The following FBN2 variants were observed in gnomAD, a reference collection of about 807,000 sequenced individuals.
FBN2 encodes fibrillin 2.
Under a neutral mutation model 355.6 loss-of-function variants are expected in FBN2, and 105 were observed. That is an observed-to-expected ratio of 0.30 (90% confidence interval 0.25 to 0.35). The LOEUF (loss-of-function observed/expected upper bound fraction) is 0.35, where lower values mean the gene tolerates loss of function less well. FBN2 is among the 10% of genes least tolerant of loss of function. The pLI, the probability that FBN2 is intolerant of heterozygous loss-of-function variation, is 1.00. For synonymous variants in FBN2, 1,350 were observed against 1,301.2 expected, an observed-to-expected ratio of 1.04 and a Z score of -0.81; for missense variants, 3,280 against 3,758.7, an observed-to-expected ratio of 0.87 and a Z score of 3.33.
At chr5:128,340,085 C>T (rs1017853746) in intron 25 of FBN2, among the ~76,000 whole-genome samples, 1 of 152,080 alleles carries the variant, frequency 6.6e-6, no homozygotes, top group Non-Finnish European at 1.5e-5. Flanking sequence ...ATGCTTATAA[C>T]TAAGATTTTT....
chr5:128,390,554 A>G (rs1182273678), intron 11 of FBN2, among the ~76,000 whole-genome samples: 1 of 152,216 alleles, frequency 6.6e-6, no homozygotes, highest in African/African-American at 2.4e-5. Flanking sequence ...AATTAATAAT[A>G]ATCTTGGCCC....
At chr5:128,286,988 C>T (rs1749171005) in intron 54 of FBN2, 139 bp from the exon 55 acceptor site, 1 of 892,116 alleles carries the variant, frequency 1.1e-6, no homozygotes. Flanking sequence ...CCATTGTCAG[C>T]TGTTGGCTAT....
At chr5:128,352,339 C>T (rs1751390292) in intron 20 of FBN2, among the ~76,000 whole-genome samples, 1 of 152,138 alleles carries the variant, frequency 6.6e-6, no homozygotes, top group Admixed American at 6.5e-5. Flanking sequence ...CTAGAGATAA[C>T]CATTCCTAAC....
intron 5 of FBN2, among the ~76,000 whole-genome samples, chr5:128,495,731 T>C (rs546213578): frequency 6.6e-6 from 1 of 152,210 alleles, no homozygotes; most frequent in East Asian, 1.9e-4. Flanking sequence ...GCAGATAAAG[T>C]TGGCAAACCT....
In FBN2 at chr5:128,475,077, T is replaced by C. The variant is rs114157146; in HGVS notation, c.629-10156A>G. Among the ~76,000 whole-genome samples, 1,322 of 152,226 alleles carry C rather than the reference T, an allele frequency of 8.7e-3. 19 individuals are homozygous for C. Among genetic ancestry groups the C allele is most frequent in the African/African-American group, 0.029 (1,219 of 41,534 alleles). ...GATGGCCCAGTGGTGGTGGTGGTAG[T>C]GGTCTGTAAGGAGGTGAACCATTCC... On this transcript the variant is annotated intron_variant, in intron 5 of 64. Coordinates refer to ENST00000262464, the MANE Select transcript of FBN2 (RefSeq NM_001999.4).
intron 15 of FBN2, among the ~76,000 whole-genome samples, chr5:128,370,904 A>C (rs1487779587): frequency 6.6e-6 from 1 of 152,198 alleles, no homozygotes; most frequent in East Asian, 1.9e-4. Flanking sequence ...TTACGGACAT[A>C]AACTTCCCAA....
chr5:128,469,564 C>G lies in FBN2; in HGVS notation c.629-4643G>C, dbSNP rs138021488. Among the ~76,000 whole-genome samples, 960 of 149,460 alleles carry G rather than the reference C, an allele frequency of 6.4e-3. 9 individuals are homozygous for G. The highest frequency in any genetic ancestry group is 0.022 in the African/African-American group (877 of 40,736). ...AAAAAAAAAGTCAGTGGAGAGACTTCTTTCTGGCATGGAATGACAAGCTTA... is the reference window on the plus strand; with the variant it reads ...AAAAAAAAAGTCAGTGGAGAGACTTGTTTCTGGCATGGAATGACAAGCTTA... On this transcript the variant is annotated intron_variant, in intron 5 of 64. Transcript: ENST00000262464.
chr5:128,309,101 T>C lies in FBN2; in HGVS notation c.5353+146A>G, dbSNP rs1749963609. On this transcript the variant is annotated intron_variant, in intron 41 of 64. Transcript: ENST00000262464. ...GTGTTTGAATCCCAAAGAGGATCACTTGGGAAACAGAACCATATGATGCTC... is the reference window on the plus strand; with the variant it reads ...GTGTTTGAATCCCAAAGAGGATCACCTGGGAAACAGAACCATATGATGCTC... The C allele has an allele frequency of 1.3e-5, 10 of 768,844 alleles. No homozygotes were observed. In the East Asian group the frequency reaches 1.3e-4, roughly 10 times the overall value. The allele number at this position is 768,844 out of a possible 1,614,324, so 47.6% of individuals were successfully genotyped here.
At chr5:128,365,881 T>C (rs1261021014) in intron 17 of FBN2, among the ~76,000 whole-genome samples, 1 of 151,864 alleles carries the variant, frequency 6.6e-6, no homozygotes, top group African/African-American at 2.4e-5. Flanking sequence ...AGAAAAATTT[T>C]AGTGAATCTT....
At chr5:128,377,574 AC>A (rs1752111580) in intron 13 of FBN2, among the ~76,000 whole-genome samples, 177 bp downstream of exon 13, 1 of 151,908 alleles carries the variant, frequency 6.6e-6, no homozygotes, top group Non-Finnish European at 1.5e-5. Context: ...CAAAAAACAA[AC>A]AAAAAACCTG....
rs1457946418 is a variant in FBN2, at chr5:128,523,698, C to T, written c.532+4174G>A. Reference sequence around the variant, plus strand: ...AACCCACTCCCTATACAGTATTTCCCGTATCTGGAAATGACATCGCTATTA... The same window carrying T: ...AACCCACTCCCTATACAGTATTTCCTGTATCTGGAAATGACATCGCTATTA... On this transcript the variant is annotated intron_variant, in intron 4 of 64. Transcript: ENST00000262464. Among the ~76,000 whole-genome samples, 8 of 152,184 alleles carry T rather than the reference C, an allele frequency of 5.3e-5. 1 individual carries two copies. Among genetic ancestry groups the T allele is most frequent in the East Asian group, 1.9e-4 (1 of 5,182 alleles).
intron 5 of FBN2, among the ~76,000 whole-genome samples, chr5:128,473,793 C>T (rs757153868): frequency 3.9e-5 from 6 of 152,192 alleles, no homozygotes; most frequent in Non-Finnish European, 7.3e-5. Flanking sequence ...CGTGTTACAC[C>T]AGGGAGAAAT....
intron 17 of FBN2, chr5:128,365,199 T>G (rs1286295209): frequency 6.1e-6 from 1 of 163,872 alleles, no homozygotes; most frequent in Non-Finnish European, 1.3e-5. Flanking sequence ...TGTTTCTCAT[T>G]GCTGATACTT....
At chr5:128,351,099 AAAAG>A (rs763918377) in intron 20 of FBN2, 94 bp from the exon 21 acceptor site, 25 of 1,474,092 alleles carry the variant, frequency 1.7e-5, no homozygotes, top group Non-Finnish European at 2.2e-5. Context: ...AGTATTCTAA[AAAAG>A]AAAGATTACT....
At chr5:128,299,112 C>T (rs951095338) in intron 48 of FBN2, among the ~76,000 whole-genome samples, 49 of 151,988 alleles carry the variant, frequency 3.2e-4, no homozygotes, top group African/African-American at 1.2e-3. Flanking sequence ...TCAGTCTGCC[C>T]CTGCTGGGGG....
At chr5:128,383,207 C>A (rs542851075) in intron 11 of FBN2, among the ~76,000 whole-genome samples, 1 of 152,032 alleles carries the variant, frequency 6.6e-6, no homozygotes, top group South Asian at 2.1e-4. Flanking sequence ...TATATACGAG[C>A]AAATGATTTT....
At position 128,527,863 on chromosome 5, in the gene FBN2, G is replaced by T. The variant is rs776972304; in HGVS notation, c.532+9C>A. The T allele has an allele frequency of 1.6e-5, 25 of 1,541,700 alleles. 1 individual carries two copies. The South Asian group carries it at 2.7e-4, about 17-fold the overall frequency. On this transcript the variant is annotated intron_variant, in intron 4 of 64. Coordinates refer to ENST00000262464, the MANE Select transcript of FBN2 (RefSeq NM_001999.4). ...ATCAAATGATTTCTAATAAATCAATGTCCCTTACGTTGTCCACAATAAGTT... is the reference window on the plus strand; with the variant it reads ...ATCAAATGATTTCTAATAAATCAATTTCCCTTACGTTGTCCACAATAAGTT...
At position 128,446,506 on chromosome 5, in the gene FBN2, C is replaced by T; in HGVS notation, c.927G>A (p.Gln309=). 1 of 1,613,998 alleles carries T rather than the reference C, an allele frequency of 6.2e-7. No individual in the cohort carries two copies. The highest frequency in any genetic ancestry group is 8.5e-7 in the Non-Finnish European group (1 of 1,179,916). ...FECRCPAGHK[Q]SETTQKCEDI... ...CTTCACATTTCTGAGTAGTTTCACT[C>T]TGTTTGTGACCAGCAGGGCATCTGC... Residue 309 remains glutamine (Q), a synonymous_variant, in exon 7 of 65, where the codon CAG becomes CAA. Coordinates refer to ENST00000262464, the MANE Select transcript of FBN2 (RefSeq NM_001999.4).
Position 128,310,111 on chromosome 5 carries a change from A to G in FBN2, c.5075-3T>C, listed in dbSNP as rs756281393. ...ATGTGCAAAACACTCATCAATATCT[A>G]GAGTAGGCAAGAATATCTATTAATT... On this transcript the variant is annotated splice_polypyrimidine_tract_variant and splice_region_variant and intron_variant, in intron 39 of 64. Coordinates refer to ENST00000262464, the MANE Select transcript of FBN2 (RefSeq NM_001999.4). 6.2e-7 allele frequency: 1 copy of G among 1,608,090 alleles called. No individual in the cohort carries two copies. The highest frequency in any genetic ancestry group is 8.5e-7 in the Non-Finnish European group (1 of 1,174,800).
Sources: allele counts gnomAD v4.1 joint callset (sites outside exome capture counted in the v4.1 genomes callset), GRCh38; gene constraint gnomAD v4.1.1; transcripts MANE v1.5; gene names NCBI Gene and HGNC (gene_info 2026-07-23, HGNC 2026-07-21).